Variants in HS2ST1 observed in about 807,000 individuals in gnomAD.
HS2ST1 encodes 2-O-sulfotransferase.
A neutral mutation model predicts 42.9 loss-of-function variants in HS2ST1; 18 were observed. That is an observed-to-expected ratio of 0.42 (90% CI 0.29 to 0.62). HS2ST1 has a LOEUF of 0.62. Among genes scored for constraint, HS2ST1 ranks in the 20% least tolerant of loss-of-function variants. The probability of loss-of-function intolerance (pLI) is 0.21; values close to 1 mark genes in which losing one functional copy is unlikely to be tolerated. For synonymous variants in HS2ST1, 146 were observed against 152.9 expected (o/e 0.95, Z 0.33); for missense variants, 334 against 433.8 (o/e 0.77, Z 2.04).
chr1:87,033,786 C>T (rs900988118), intron 1 of HS2ST1, among the ~76,000 whole-genome samples: 7 of 152,292 alleles, frequency 4.6e-5, no homozygotes, highest in African/African-American at 1.4e-4. Context: ...TCAGGTGATC[C>T]ACCAGCCTCG....
At chr1:87,068,961 T>C (rs1257776369) in intron 1 of HS2ST1, among the ~76,000 whole-genome samples, 1 of 152,212 alleles carries the variant, frequency 6.6e-6, no homozygotes, top group Non-Finnish European at 1.5e-5. Flanking sequence ...TGAGTAGCAG[T>C]AGCTGGGACT....
intron 1 of HS2ST1, among the ~76,000 whole-genome samples, chr1:87,070,462 G>A (rs1201143815): frequency 2.0e-5 from 3 of 152,026 alleles, no homozygotes; most frequent in Non-Finnish European, 4.4e-5. Flanking sequence ...GTGATCATGT[G>A]CACCTGTAGT....
At chr1:86,942,234 G>A (rs1215817313) in intron 1 of HS2ST1, among the ~76,000 whole-genome samples, 1 of 152,218 alleles carries the variant, frequency 6.6e-6, no homozygotes, top group Non-Finnish European at 1.5e-5. Context: ...AGTGTTTATA[G>A]AACTAGATTG....
chr1:87,034,587 G>A (rs555687605), intron 1 of HS2ST1, among the ~76,000 whole-genome samples: 243 of 152,248 alleles, frequency 1.6e-3, no homozygotes, highest in Non-Finnish European at 2.7e-3. Context: ...ATGAGCTCTA[G>A]GAAATCAGAA....
At chr1:87,072,520 C>G (rs1309059448) in intron 1 of HS2ST1, among the ~76,000 whole-genome samples, 1 of 152,060 alleles carries the variant, frequency 6.6e-6, no homozygotes, top group East Asian at 1.9e-4. Context: ...AGAATTAGTT[C>G]AGGCTGTAGG....
chr1:86,950,645 A>G (rs1460939610), intron 1 of HS2ST1, among the ~76,000 whole-genome samples: 1 of 152,214 alleles, frequency 6.6e-6, no homozygotes, highest in African/African-American at 2.4e-5. Context: ...GTGAAATGTC[A>G]TGATGCTGCA....
At chr1:87,040,360 T>C (rs1650488302) in intron 1 of HS2ST1, among the ~76,000 whole-genome samples, 1 of 152,178 alleles carries the variant, frequency 6.6e-6, no homozygotes. Flanking sequence ...TATTCTTTTC[T>C]CATTCTGTTA....
At chr1:87,073,982 C>G (rs1178954495) in intron 2 of HS2ST1, among the ~76,000 whole-genome samples, 1 of 152,174 alleles carries the variant, frequency 6.6e-6, no homozygotes. Context: ...TGATATTTAT[C>G]TGTTTGAAAG....
At chr1:86,941,255 G>T (rs1660757177) in intron 1 of HS2ST1, among the ~76,000 whole-genome samples, 1 of 152,060 alleles carries the variant, frequency 6.6e-6, no homozygotes, top group Non-Finnish European at 1.5e-5. Flanking sequence ...CTTCTCTGAA[G>T]TATCTGGATT....
rs1557487621 is a variant in HS2ST1, at chr1:86,942,290, ACT to A, written c.124+27133_124+27134del. Among the ~76,000 whole-genome samples the A allele has an allele frequency of 9.2e-5, 14 of 152,218 alleles. No individual in the cohort carries two copies. In the South Asian group the frequency reaches 2.9e-3, roughly 32 times the overall value. On this transcript the variant is annotated intron_variant, in intron 1 of 6. Transcript: ENST00000370550. ...CTGCCAGCATCACTCAAACCAGCCA[ACT>A]CTTTCATCTTTAGTAAATACTTTGT...
intron 5 of HS2ST1, among the ~76,000 whole-genome samples, chr1:87,101,211 G>A (rs185350182): frequency 7.7e-6 from 1 of 130,098 alleles, no homozygotes; most frequent in East Asian, 2.5e-4. Flanking sequence ...TGTCAGCCAG[G>A]CTGGAGTGCA....
intron 1 of HS2ST1, among the ~76,000 whole-genome samples, chr1:87,062,931 C>CT (rs546209007): frequency 3.2e-3 from 486 of 152,196 alleles, no homozygotes; most frequent in African/African-American, 0.011. Flanking sequence ...GCATTCAAGA[C>CT]TTTTTTTGTC....
At chr1:86,988,889 G>C (rs1044443004) in intron 1 of HS2ST1, among the ~76,000 whole-genome samples, 1 of 152,202 alleles carries the variant, frequency 6.6e-6, no homozygotes, top group Admixed American at 6.5e-5. Flanking sequence ...AGATTGGGTA[G>C]TGAGTCTCGA....
chr1:87,032,904 A>G (rs998396602), intron 1 of HS2ST1, among the ~76,000 whole-genome samples: 1 of 152,200 alleles, frequency 6.6e-6, no homozygotes, highest in Non-Finnish European at 1.5e-5. Context: ...CAGTTAGACC[A>G]TGTGTGATTA....
intron 3 of HS2ST1, among the ~76,000 whole-genome samples, chr1:87,087,343 G>A (rs1192771036): frequency 1.3e-5 from 2 of 152,080 alleles, no homozygotes; most frequent in East Asian, 3.8e-4. Flanking sequence ...AGTGTCACAT[G>A]TCAGCATCTG....
Position 87,104,528 on chromosome 1 carries a change from T to G in HS2ST1, c.903T>G (p.Ile301Met), listed in dbSNP as rs2100658830. Reference protein sequence around the residue: ...TEKKLPTKQTIAKLQQSDIWK... With the variant: ...TEKKLPTKQTMAKLQQSDIWK... ...AGAAACTCCCCACTAAACAAACCATTGCAAAACTACAGCAATCTGATATTT... is the reference window on the plus strand; with the variant it reads ...AGAAACTCCCCACTAAACAAACCATGGCAAAACTACAGCAATCTGATATTT... Residue 301 changes from isoleucine to methionine, a missense_variant, in exon 7 of 7, where the codon ATT becomes ATG. Transcript: ENST00000370550. 1 of 1,613,536 alleles carries G rather than the reference T, an allele frequency of 6.2e-7. No homozygotes were observed. The highest frequency in any genetic ancestry group is 8.5e-7 in the Non-Finnish European group (1 of 1,179,584).
intron 1 of HS2ST1, among the ~76,000 whole-genome samples, chr1:87,029,179 T>C (rs1570496684): frequency 6.6e-6 from 1 of 152,178 alleles, no homozygotes; most frequent in Non-Finnish European, 1.5e-5. Context: ...TTTAGTAGAT[T>C]AGCAGACTAA....
chr1:87,103,601 A>G lies in HS2ST1; in HGVS notation c.844+12A>G. On this transcript the variant is annotated intron_variant, in intron 6 of 6. Coordinates refer to ENST00000370550, the MANE Select transcript of HS2ST1 (RefSeq NM_012262.4). The stretch of plus-strand genomic sequence containing the variant: ...ACTCTATCGCACAGGTATATAAAGG[A>G]AGGGTTTCTTTTTAAAGCTTTCTTT... 2.6e-6 allele frequency: 4 copies of G among 1,533,354 alleles called. No homozygotes were observed. Among genetic ancestry groups the G allele is most frequent in the Non-Finnish European group, 3.5e-6 (4 of 1,145,474 alleles). 95.0% of individuals were successfully genotyped at this position (1,533,354 alleles called of 1,614,324 possible).
chr1:86,965,409 T>C (rs1173536841), intron 1 of HS2ST1, among the ~76,000 whole-genome samples: 1 of 152,178 alleles, frequency 6.6e-6, no homozygotes, highest in African/African-American at 2.4e-5. Context: ...TATTTTTTCT[T>C]TTGTGGCCTT....
Sources: allele counts gnomAD v4.1 joint callset (sites outside exome capture counted in the v4.1 genomes callset), GRCh38; gene constraint gnomAD v4.1.1; transcripts MANE v1.5; gene names NCBI Gene and HGNC (gene_info 2026-07-23, HGNC 2026-07-21).